The following MSTO1 variants were observed in gnomAD, a reference collection of about 807,000 sequenced individuals.
The protein encoded by MSTO1 is protein misato homolog 1.
Under a neutral mutation model 55.7 loss-of-function variants are expected in MSTO1, and 24 were observed. The observed-to-expected ratio is 0.43, with a 90% CI of 0.31 to 0.61. MSTO1 has a LOEUF of 0.61. Among genes scored for constraint, MSTO1 ranks in the 20% least tolerant of loss-of-function variants. The pLI, the probability that MSTO1 is intolerant of heterozygous loss-of-function variation, is 0.09. For missense variants in MSTO1, 363 were observed against 625.7 expected (o/e 0.58, Z 4.48); for synonymous variants, 162 against 252.8 (o/e 0.64, Z 3.41).
the MSTO1 span, among the ~76,000 whole-genome samples, chr1:155,600,107 G>A: frequency 1.1e-4 from 16 of 152,292 alleles, no homozygotes; most frequent in African/African-American, 3.9e-4. Flanking sequence ...GCTGGGGAAC[G>A]GTCAGGTCTT....
intron 13 of MSTO1, 123 bp from the exon 14 acceptor site, chr1:155,613,936 A>G (rs1675058938): frequency 9.8e-7 from 1 of 1,020,542 alleles, no homozygotes; most frequent in East Asian, 2.6e-5. Flanking sequence ...TAAGGGGACA[A>G]TACACCAAAT....
At chr1:155,580,892 A>G in the MSTO1 span, among the ~76,000 whole-genome samples, 1 of 137,186 alleles carries the variant, frequency 7.3e-6, no homozygotes, top group Non-Finnish European at 1.5e-5. Flanking sequence ...TGGGTAACAG[A>G]GTGAGACTCT....
chr1:155,597,342 C>T, the MSTO1 span, among the ~76,000 whole-genome samples: 8 of 150,824 alleles, frequency 5.3e-5, no homozygotes, highest in Admixed American at 2.6e-4. Flanking sequence ...TAGTGGCGGG[C>T]GCCTGTAGTC....
At chr1:155,580,031 G>C in the MSTO1 span, among the ~76,000 whole-genome samples, 3 of 150,870 alleles carry the variant, frequency 2.0e-5, no homozygotes, top group Admixed American at 2.0e-4. Flanking sequence ...AGCCGAGATC[G>C]GGCCACTGCC....
chr1:155,590,584 C>T, the MSTO1 span: 26 of 1,222,542 alleles, frequency 2.1e-5, no homozygotes, highest in African/African-American at 4.0e-4. Flanking sequence ...CCAGCGGAGC[C>T]CCCATTCACT....
rs763812515 is a variant in MSTO1 at position 155,612,203 on chromosome 1, C to G, written c.700C>G (p.Leu234Val). The G allele has an allele frequency of 6.8e-6, 11 of 1,613,584 alleles. No homozygotes were observed. Among genetic ancestry groups the G allele is most frequent in the Non-Finnish European group, 8.5e-6 (10 of 1,179,650 alleles). The change falls in exon 8 of 14, where the codon CTG becomes GTG. Residue 234 changes from leucine (L) to valine (V), a missense_variant. By Grantham distance (32) the Leu-to-Val change is conservative. Transcript: ENST00000245564. ...CCAGGGCTTCCAGATCCTGTGTGAC[C>G]TGCACGATGGCTTCTCTGGGGTAGG... ...YLQGFQILCD[L>V]HDGFSGVGAK...
the MSTO1 span, among the ~76,000 whole-genome samples, chr1:155,567,552 G>A: frequency 1.3e-5 from 2 of 151,564 alleles, no homozygotes; most frequent in South Asian, 2.1e-4. Flanking sequence ...CGCCCGCCTC[G>A]GCCTCCCAAA....
intron 13 of MSTO1, 67 bp downstream of exon 13, chr1:155,613,833 A>G: frequency 6.2e-7 from 1 of 1,610,304 alleles, no homozygotes; most frequent in Non-Finnish European, 8.5e-7. Context: ...CCATTCCTGG[A>G]TTAAAAGTGC....
intron 11 of MSTO1, 27 bp from the exon 12 acceptor site, chr1:155,613,435 A>AT: frequency 6.2e-7 from 1 of 1,613,780 alleles, no homozygotes; most frequent in Non-Finnish European, 8.5e-7. Context: ...CCACAGACTA[A>AT]TGGTGGTTTT....
chr1:155,596,962 A>C, the MSTO1 span, among the ~76,000 whole-genome samples: 7,946 of 151,818 alleles, frequency 0.052, 701 homozygotes, highest in African/African-American at 0.18. Context: ...AAAAAATTAG[A>C]CAGGTGTGGT....
the MSTO1 span, chr1:155,563,737 A>G: frequency 5.5e-6 from 2 of 360,790 alleles, no homozygotes; most frequent in Non-Finnish European, 1.1e-5. Context: ...AAGTGTACAT[A>G]AAAATTAGGC....
At chr1:155,593,171 C>T in the MSTO1 span, among the ~76,000 whole-genome samples, 4 of 152,198 alleles carry the variant, frequency 2.6e-5, no homozygotes, top group Non-Finnish European at 2.9e-5. Flanking sequence ...ACCTTGGCAT[C>T]CCAAAGTGCT....
the MSTO1 span, among the ~76,000 whole-genome samples, chr1:155,574,935 C>T: frequency 1.4e-5 from 2 of 138,048 alleles, no homozygotes; most frequent in South Asian, 4.5e-4. Context: ...GGCACTATTT[C>T]GGCTCACTGC....
chr1:155,588,445 C>A, the MSTO1 span, among the ~76,000 whole-genome samples: 16 of 152,016 alleles, frequency 1.1e-4, no homozygotes, highest in Non-Finnish European at 1.5e-4. Flanking sequence ...ACACTAAGTG[C>A]TTTATTTTTT....
the MSTO1 span, among the ~76,000 whole-genome samples, chr1:155,569,431 G>A: frequency 3.7e-5 from 5 of 133,820 alleles, no homozygotes; most frequent in African/African-American, 5.8e-5. Flanking sequence ...CACTGCGCCC[G>A]GTCTTTTTTT....
the MSTO1 span, among the ~76,000 whole-genome samples, chr1:155,585,438 G>A: frequency 6.6e-6 from 1 of 151,422 alleles, no homozygotes; most frequent in Admixed American, 6.6e-5. Flanking sequence ...CAGGAGAATT[G>A]CTTGAACCCG....
the MSTO1 span, chr1:155,590,900 C>T: frequency 6.2e-7 from 1 of 1,612,788 alleles, no homozygotes; most frequent in Non-Finnish European, 8.5e-7. Flanking sequence ...AAGACAATCC[C>T]AGAGGTGAGC....
At chr1:155,566,669 G>A in the MSTO1 span, among the ~76,000 whole-genome samples, 2 of 151,956 alleles carry the variant, frequency 1.3e-5, no homozygotes, top group Non-Finnish European at 2.9e-5. Context: ...AGGCTGGAGT[G>A]CAATGGCGTG....
chr1:155,576,292 T>G, the MSTO1 span, among the ~76,000 whole-genome samples: 1 of 152,156 alleles, frequency 6.6e-6, no homozygotes, highest in African/African-American at 2.4e-5. Flanking sequence ...TGGATACAAT[T>G]CGTTATCTAT....
Sources: gnomAD v4.1 joint callset for allele counts (sites outside exome capture counted in the v4.1 genomes callset) on GRCh38, gnomAD v4.1.1 for gene constraint, MANE v1.5 for transcripts, NCBI Gene and HGNC (gene_info 2026-07-23, HGNC 2026-07-21) for gene names.